The following CLASP1 variants were observed in gnomAD, a reference collection of about 807,000 sequenced individuals.
The protein encoded by CLASP1 is CLIP-associating protein 1.
CLASP1 carries 38 observed loss-of-function variants against 192.3 expected under a neutral mutation model. The ratio of observed to expected loss-of-function variants is 0.20; its 90% CI spans 0.15 to 0.26. The LOEUF (loss-of-function observed/expected upper bound fraction) is 0.26. Among genes scored for constraint, CLASP1 ranks in the 10% least tolerant of loss-of-function variants. The probability of loss-of-function intolerance (pLI) is 1.00; values close to 1 mark genes in which losing one functional copy is unlikely to be tolerated. For missense variants in CLASP1, 1,433 were observed against 1,932.5 expected (o/e 0.74, Z 4.85); for synonymous variants, 691 against 712.8 (o/e 0.97, Z 0.49).
intron 34 of CLASP1, among the ~76,000 whole-genome samples, chr2:121,372,258 T>C (rs537652031): frequency 6.6e-6 from 1 of 152,330 alleles, no homozygotes; most frequent in South Asian, 2.1e-4. Flanking sequence ...ATGTCCTTCC[T>C]GAAATAGTCT....
intron 1 of CLASP1, among the ~76,000 whole-genome samples, chr2:121,630,602 G>A (rs942502798): frequency 5.3e-5 from 8 of 152,108 alleles, no homozygotes; most frequent in African/African-American, 1.9e-4. Context: ...GGTGGCTCAC[G>A]CCTATAATCC....
At chr2:121,497,739 A>C (rs1012352275) in intron 8 of CLASP1, among the ~76,000 whole-genome samples, 1 of 152,096 alleles carries the variant, frequency 6.6e-6, no homozygotes, top group Admixed American at 6.5e-5. Context: ...TTCTTTTTTT[A>C]GATGGAGTCT....
At chr2:121,648,101 G>C (rs1165244520) in intron 1 of CLASP1, among the ~76,000 whole-genome samples, 1 of 152,142 alleles carries the variant, frequency 6.6e-6, no homozygotes, top group African/African-American at 2.4e-5. Flanking sequence ...CTATATGGTC[G>C]CAACATCAAT....
intron 3 of CLASP1, among the ~76,000 whole-genome samples, chr2:121,530,020 G>A (rs1279006405): frequency 1.3e-5 from 2 of 152,204 alleles, no homozygotes; most frequent in East Asian, 1.9e-4. Flanking sequence ...AGAGGCCAGG[G>A]GAGTCCAGCT....
In CLASP1 at chr2:121,376,481, T is replaced by G. The variant is rs868396643; in HGVS notation, c.3642+1018A>C. ...TGGGAACTAGTAAGAGTTGAGCTCA[T>G]AGAAGTAGACAGTAGAACTGTGGTT... On this transcript the variant is annotated intron_variant, in intron 34 of 39. Coordinates refer to ENST00000263710, the Ensembl canonical transcript of CLASP1. Among the ~76,000 whole-genome samples, 11 of 119,640 alleles carry G rather than the reference T, an allele frequency of 9.2e-5. 1 individual carries two copies. The highest frequency in any genetic ancestry group is 9.4e-5 in the Non-Finnish European group (6 of 63,926). The allele number at this position is 119,640 out of a possible 152,430, so 78.5% of individuals were successfully genotyped here.
chr2:121,367,980 A>T, intron 34 of CLASP1, 149 bp from the exon 36 acceptor site: 1 of 1,020,200 alleles, frequency 9.8e-7, no homozygotes, highest in Non-Finnish European at 1.4e-6. Context: ...GCAATGTAAA[A>T]ATACCAAATC....
intron 2 of CLASP1, among the ~76,000 whole-genome samples, chr2:121,567,365 T>C (rs561123029): frequency 1.3e-5 from 2 of 152,254 alleles, no homozygotes; most frequent in East Asian, 3.9e-4. Context: ...GTACACATGA[T>C]CCATGGGCCA....
chr2:121,579,161 C>G (rs1236078893), intron 2 of CLASP1, among the ~76,000 whole-genome samples: 1 of 152,116 alleles, frequency 6.6e-6, no homozygotes, highest in African/African-American at 2.4e-5. Flanking sequence ...TTTTTACTCT[C>G]ACATCAAATG....
At chr2:121,351,292 C>A (rs2064351829) in intron 37 of CLASP1, among the ~76,000 whole-genome samples, 1 of 152,222 alleles carries the variant, frequency 6.6e-6, no homozygotes, top group Non-Finnish European at 1.5e-5. Flanking sequence ...TGACACTTTT[C>A]CCCCAACTTC....
At chr2:121,407,025 G>A (rs1275212988) in intron 25 of CLASP1, among the ~76,000 whole-genome samples, 2 of 152,110 alleles carry the variant, frequency 1.3e-5, no homozygotes, top group Non-Finnish European at 2.9e-5. Flanking sequence ...AGACCAGCTT[G>A]GCCAATATGG....
rs35409200 is a variant in CLASP1, at chr2:121,518,231, C to CAAAA, written c.547-2473_547-2470dup. Among the ~76,000 whole-genome samples the CAAAA allele has an allele frequency of 2.5e-3, 124 of 49,576 alleles. 2 individuals are homozygous for CAAAA. The highest frequency in any genetic ancestry group is 7.4e-3 in the African/African-American group (104 of 14,084). The allele number at this position is 49,576 out of a possible 152,430, so 32.5% of individuals were successfully genotyped here. On this transcript the variant is annotated intron_variant, in intron 6 of 39. Transcript: ENST00000263710. ...GGGTGACAGAGCGAGACCCCCGTCT[C>CAAAA]AAAAAAAAAAAAAAAAAAAAAAAAA...
intron 2 of CLASP1, among the ~76,000 whole-genome samples, chr2:121,534,595 T>C (rs2094993233): frequency 6.6e-6 from 1 of 152,102 alleles, no homozygotes; most frequent in Non-Finnish European, 1.5e-5. Flanking sequence ...TGGAGTGCAA[T>C]GGCACGATCT....
At chr2:121,500,380 GAAAGAAAGAAAGAAAGAA>G (rs2093704168) in intron 8 of CLASP1, among the ~76,000 whole-genome samples, 1 of 109,124 alleles carries the variant, frequency 9.2e-6, no homozygotes, top group Non-Finnish European at 1.9e-5. Flanking sequence ...AAGAAAGAAA[GAAAGAAAGAAAGAAAGAA>G]AAGAAAGAAA....
In CLASP1 at chr2:121,594,439, C is replaced by A. The variant is rs142296197; in HGVS notation, c.195+11262G>T. On this transcript the variant is annotated intron_variant, in intron 2 of 39. Transcript: ENST00000263710. ...ACGGAGTCTTGCTCTGTTGCCCAGG[C>A]TGGAGTGCAGTGGCATGATCTCAGG... 1.3e-3 allele frequency among the ~76,000 whole-genome samples: 192 copies of A among 151,116 alleles called. 3 individuals carry two copies. The East Asian group carries it at 0.03, about 23-fold the overall frequency.
At chr2:121,454,152 AC>A (rs541212781) in intron 14 of CLASP1, among the ~76,000 whole-genome samples, 24 of 99,924 alleles carry the variant, frequency 2.4e-4, no homozygotes, top group Admixed American at 8.8e-4. Flanking sequence ...CTCCCTGCCC[AC>A]CCCCCCCTCC....
intron 2 of CLASP1, among the ~76,000 whole-genome samples, chr2:121,560,878 G>A (rs574628479): frequency 2.6e-5 from 4 of 152,294 alleles, no homozygotes; most frequent in African/African-American, 9.6e-5. Flanking sequence ...AGGATTACAG[G>A]AGCCTGCCAC....
Position 121,340,959 on chromosome 2 carries a change from A to T in CLASP1, c.4531-12T>A, listed in dbSNP as rs2062704956. ...TTTAGTAGCTTCATCTGAAAAGAGA[A>T]GATGAAACTGAATTAGCAGGAAGAA... On this transcript the variant is annotated splice_polypyrimidine_tract_variant and intron_variant, in intron 39 of 39. Coordinates refer to ENST00000263710, the Ensembl canonical transcript of CLASP1. 2 of 1,560,824 alleles carry T rather than the reference A, an allele frequency of 1.3e-6. No individual in the cohort carries two copies. Among genetic ancestry groups the T allele is most frequent in the Admixed American group, 1.8e-5 (1 of 56,204 alleles).
At chr2:121,485,372 T>A (rs1247597451) in intron 8 of CLASP1, among the ~76,000 whole-genome samples, 2 of 152,210 alleles carry the variant, frequency 1.3e-5, no homozygotes, top group Non-Finnish European at 2.9e-5. Context: ...TCTACCCTCA[T>A]GGCCACCAGC....
chr2:121,543,885 C>T (rs1416168751), intron 2 of CLASP1, among the ~76,000 whole-genome samples: 2 of 152,164 alleles, frequency 1.3e-5, no homozygotes, highest in African/African-American at 2.4e-5. Context: ...AATCATGGGG[C>T]AGTGAACGTC....
Sources: allele counts gnomAD v4.1 joint callset (sites outside exome capture counted in the v4.1 genomes callset), GRCh38; gene constraint gnomAD v4.1.1; transcripts MANE v1.5; gene names NCBI Gene and HGNC (gene_info 2026-07-23, HGNC 2026-07-21).